Variants in FOXO1 observed in about 807,000 individuals in gnomAD.
FOXO1 encodes forkhead box protein O1.
In FOXO1, 6 loss-of-function variants were observed where a neutral mutation model predicts 44.1. The observed-to-expected ratio is 0.14, with a 90% CI of 0.07 to 0.27. The LOEUF is 0.27. Ranked by LOEUF, FOXO1 falls within the 10% of genes least tolerant of loss-of-function variation. The pLI, the probability that FOXO1 is intolerant of heterozygous loss-of-function variation, is 1.00. For synonymous variants in FOXO1, 380 were observed against 362.7 expected (o/e 1.05, Z -0.54); for missense variants, 737 against 888.8 (o/e 0.83, Z 2.17).
intron 1 of FOXO1, among the ~76,000 whole-genome samples, chr13:40,609,606 A>G (rs1312709526): frequency 6.6e-6 from 1 of 152,190 alleles, no homozygotes; most frequent in Non-Finnish European, 1.5e-5. Flanking sequence ...AGAGTTAAAC[A>G]TGTCTTCCTA....
At chr13:40,637,669 G>A (rs1272056251) in intron 1 of FOXO1, among the ~76,000 whole-genome samples, 1 of 152,072 alleles carries the variant, frequency 6.6e-6, no homozygotes, top group African/African-American at 2.4e-5. Flanking sequence ...CACATTTTAT[G>A]TTTTGTTCAA....
chr13:40,595,072 A>T (rs1875524888), intron 1 of FOXO1, among the ~76,000 whole-genome samples: 1 of 152,190 alleles, frequency 6.6e-6, no homozygotes. Flanking sequence ...CTTTTCCCTC[A>T]CAAAAGGAAC....
chr13:40,651,661 A>G (rs1363158005), intron 1 of FOXO1, among the ~76,000 whole-genome samples: 1 of 151,688 alleles, frequency 6.6e-6, no homozygotes, highest in East Asian at 1.9e-4. Flanking sequence ...ACATACAAAT[A>G]TACATCTAAA....
At chr13:40,563,891 T>C (rs1371467224) in intron 1 of FOXO1, among the ~76,000 whole-genome samples, 4 of 152,192 alleles carry the variant, frequency 2.6e-5, no homozygotes. Context: ...AATGCAGCCC[T>C]GCAGTCTGAC....
At chr13:40,576,209 T>C (rs1874736812) in intron 1 of FOXO1, among the ~76,000 whole-genome samples, 2 of 152,146 alleles carry the variant, frequency 1.3e-5, no homozygotes, top group African/African-American at 4.8e-5. Flanking sequence ...TATGGCCATG[T>C]ATGAGTTTAG....
chr13:40,639,322 TAGG>T (rs2137921058), intron 1 of FOXO1, among the ~76,000 whole-genome samples: 1 of 152,256 alleles, frequency 6.6e-6, no homozygotes, highest in African/African-American at 2.4e-5. Context: ...GCTGATGGAA[TAGG>T]AGGTCAGACC....
intron 1 of FOXO1, among the ~76,000 whole-genome samples, chr13:40,561,351 CAA>C (rs5803055): frequency 2.5e-5 from 3 of 119,546 alleles, no homozygotes; most frequent in Non-Finnish European, 3.4e-5. Context: ...GACTCGATCT[CAA>C]AAAAAAAAAA....
intron 1 of FOXO1, 127 bp downstream of exon 1, chr13:40,665,456 T>C (rs1452340746): frequency 1.2e-6 from 1 of 831,150 alleles, no homozygotes; most frequent in East Asian, 3.4e-5. Context: ...CCACCGCTTC[T>C]CGCCCGCCCT....
chr13:40,598,904 T>C (rs1875700628), intron 1 of FOXO1, among the ~76,000 whole-genome samples: 1 of 152,240 alleles, frequency 6.6e-6, no homozygotes, highest in African/African-American at 2.4e-5. Context: ...AAGTCTTCCT[T>C]AGTCATATGT....
intron 1 of FOXO1, among the ~76,000 whole-genome samples, chr13:40,574,493 G>A (rs1423966108): frequency 1.3e-5 from 2 of 152,140 alleles, no homozygotes; most frequent in Non-Finnish European, 2.9e-5. Context: ...GCATATTCGA[G>A]AATTATTCTA....
At chr13:40,572,999 T>C (rs1874599339) in intron 1 of FOXO1, among the ~76,000 whole-genome samples, 1 of 152,200 alleles carries the variant, frequency 6.6e-6, no homozygotes, top group African/African-American at 2.4e-5. Context: ...CTGCTTTCAT[T>C]AACATACCTA....
intron 1 of FOXO1, among the ~76,000 whole-genome samples, chr13:40,606,300 T>G (rs755081631): frequency 6.6e-6 from 1 of 152,108 alleles, no homozygotes; most frequent in African/African-American, 2.4e-5. Context: ...TTTCTTTCTT[T>G]CTTTTTCTTT....
intron 1 of FOXO1, among the ~76,000 whole-genome samples, chr13:40,624,473 C>T (rs937440111): frequency 8.5e-5 from 13 of 152,128 alleles, no homozygotes; most frequent in Non-Finnish European, 1.2e-4. Flanking sequence ...CATCCAATCA[C>T]TTATAACATG....
At chr13:40,615,689 G>C (rs188717805) in intron 1 of FOXO1, among the ~76,000 whole-genome samples, 49 of 152,308 alleles carry the variant, frequency 3.2e-4, no homozygotes, top group Non-Finnish European at 6.3e-4. Flanking sequence ...AGCGAGGTGA[G>C]GTGAAGGAAG....
intron 1 of FOXO1, among the ~76,000 whole-genome samples, chr13:40,574,597 G>C (rs1191500469): frequency 2.0e-5 from 3 of 152,204 alleles, no homozygotes; most frequent in Non-Finnish European, 4.4e-5. Flanking sequence ...GAGATGAGCA[G>C]TAAGGTCAGT....
intron 1 of FOXO1, among the ~76,000 whole-genome samples, chr13:40,563,324 A>T (rs1874117164): frequency 6.6e-6 from 1 of 152,198 alleles, no homozygotes; most frequent in South Asian, 2.1e-4. Flanking sequence ...AAGAGAGAAA[A>T]TGGAGGGGTC....
At chr13:40,616,062 G>C (rs1415916217) in intron 1 of FOXO1, among the ~76,000 whole-genome samples, 1 of 152,192 alleles carries the variant, frequency 6.6e-6, no homozygotes, top group East Asian at 1.9e-4. Context: ...GGAAGTGGAA[G>C]GGGTAAGAAG....
Position 40,560,942 on chromosome 13 carries a change from C to T in FOXO1, c.631-82G>A. ...TATTCTACATGTATTACATGGAAAACAAGTAAAAAATCTTAAGAGTGTGTG... is the reference window on the plus strand; with the variant it reads ...TATTCTACATGTATTACATGGAAAATAAGTAAAAAATCTTAAGAGTGTGTG... On this transcript the variant is annotated intron_variant, in intron 1 of 2. Coordinates refer to ENST00000379561, the MANE Select transcript of FOXO1 (RefSeq NM_002015.4). The surrounding 1 kb of genome is among the most constrained non-coding windows in gnomAD (Gnocchi z 5.1). 7.2e-7 allele frequency: 1 copy of T among 1,391,984 alleles called. No individual in the cohort carries two copies. The highest frequency in any genetic ancestry group is 9.7e-7 in the Non-Finnish European group (1 of 1,033,336). The allele number at this position is 1,391,984 out of a possible 1,614,324, so 86.2% of individuals were successfully genotyped here.
At chr13:40,627,609 G>C (rs1403672021) in intron 1 of FOXO1, among the ~76,000 whole-genome samples, 1 of 152,166 alleles carries the variant, frequency 6.6e-6, no homozygotes, top group East Asian at 1.9e-4. Context: ...AAGGTGGGCA[G>C]GTCATCTGAG....
Sources: allele counts gnomAD v4.1 joint callset (sites outside exome capture counted in the v4.1 genomes callset), GRCh38; gene constraint gnomAD v4.1.1; non-coding constraint Gnocchi (gnomAD v3.1); transcripts MANE v1.5; gene names NCBI Gene and HGNC (gene_info 2026-07-23, HGNC 2026-07-21).